The following INO80 variants were observed in gnomAD, a reference collection of about 807,000 sequenced individuals.
INO80 encodes chromatin-remodeling ATPase INO80.
INO80 carries 20 observed loss-of-function variants against 203.4 expected under a neutral mutation model. The ratio of observed to expected loss-of-function variants is 0.10; its 90% confidence interval spans 0.07 to 0.14. The LOEUF is 0.14. Ranked by LOEUF, INO80 falls within the 10% of genes least tolerant of loss-of-function variation. The probability of loss-of-function intolerance (pLI) is 1.00; values close to 1 mark genes in which losing one functional copy is unlikely to be tolerated. For synonymous variants in INO80, 726 were observed against 685.2 expected, an observed-to-expected ratio of 1.06 and a Z score of -0.93; for missense variants, 1,419 against 1,914.4, an observed-to-expected ratio of 0.74 and a Z score of 4.83.
intron 33 of INO80, 24 bp downstream of exon 33, chr15:40,984,173 G>A (rs1893937174): frequency 1.2e-6 from 2 of 1,609,808 alleles, no homozygotes; most frequent in African/African-American, 2.7e-5. Flanking sequence ...CGGCTGTGAT[G>A]CAGGCATCTA....
intron 9 of INO80, among the ~76,000 whole-genome samples, chr15:41,076,542 G>T (rs1300172058): frequency 6.7e-6 from 1 of 150,228 alleles, no homozygotes; most frequent in Non-Finnish European, 1.5e-5. Context: ...AGGAGTTTGA[G>T]ACCAGACTGG....
intron 26 of INO80, among the ~76,000 whole-genome samples, chr15:41,019,303 C>T (rs767907345): frequency 6.6e-6 from 1 of 152,116 alleles, no homozygotes; most frequent in Non-Finnish European, 1.5e-5. Flanking sequence ...GTGAGACACC[C>T]CCAACCCCCG....
chr15:41,074,571 GA>G lies in INO80; in HGVS notation c.1132-7del, dbSNP rs760323117. The G allele has an allele frequency of 1.3e-6, 2 of 1,591,454 alleles. No homozygotes were observed. Among genetic ancestry groups the G allele is most frequent in the Non-Finnish European group, 1.7e-6 (2 of 1,168,598 alleles). ...TTTCGCTGTTGCCTCTTGGCCTAAA[GA>G]GGGAAAAAAGTGAAAACAGAGCCAA... On this transcript the variant is annotated splice_region_variant and splice_polypyrimidine_tract_variant and intron_variant, in intron 9 of 35. Transcript: ENST00000648947.
intron 29 of INO80, among the ~76,000 whole-genome samples, chr15:40,990,076 C>A (rs1016293431): frequency 6.6e-6 from 1 of 151,900 alleles, no homozygotes; most frequent in Non-Finnish European, 1.5e-5. Flanking sequence ...TACTTATGAG[C>A]CCAGGACTAG....
At chr15:41,086,768 G>C (rs796576417) in intron 6 of INO80, among the ~76,000 whole-genome samples, 15 of 152,166 alleles carry the variant, frequency 9.9e-5, no homozygotes, top group African/African-American at 3.6e-4. Flanking sequence ...AGCTCAGTAA[G>C]AGAGGAAAGG....
At chr15:41,049,243 A>G (rs1232759098) in intron 21 of INO80, 44 bp downstream of exon 21, 1 of 1,520,766 alleles carries the variant, frequency 6.6e-7, no homozygotes, top group East Asian at 2.3e-5. Context: ...TAAAACTGTA[A>G]ATTATAAAAC....
chr15:41,070,712 A>G (rs1353496326), intron 12 of INO80, among the ~76,000 whole-genome samples, 165 bp from the exon 13 acceptor site: 2 of 152,236 alleles, frequency 1.3e-5, no homozygotes, highest in Non-Finnish European at 2.9e-5. Flanking sequence ...GCTTTTGCCA[A>G]TGCTACAGCT....
intron 27 of INO80, among the ~76,000 whole-genome samples, chr15:41,008,409 G>C (rs1284846305): frequency 6.6e-6 from 1 of 152,072 alleles, no homozygotes; most frequent in African/African-American, 2.4e-5. Context: ...AGAGTAGAAG[G>C]GTGGTTGCCA....
rs61731592 is a variant in INO80, at chr15:40,980,477, G to T, written c.4454-37C>A. The T allele has an allele frequency of 1.4e-4, 210 of 1,520,430 alleles. No individual in the cohort carries two copies. The African/African-American group carries it at 2.5e-3, about 18-fold the overall frequency. 94.2% of individuals were successfully genotyped at this position (1,520,430 alleles called of 1,614,324 possible). A position where few individuals can be genotyped will look rare whatever the true frequency, so the allele number is the denominator to read the frequency against. ...GAGAGAGACAAGAACGTAAGCACCA[G>T]TCCCGCGTAAGCTTCCTTGGAGCCT... On this transcript the variant is annotated intron_variant, in intron 35 of 35. Transcript: ENST00000648947.
At chr15:41,015,704 G>C (rs1193521927) in intron 27 of INO80, among the ~76,000 whole-genome samples, 1 of 150,632 alleles carries the variant, frequency 6.6e-6, no homozygotes, top group Non-Finnish European at 1.5e-5. Flanking sequence ...GAGAGGCTGA[G>C]GTGGGTGGAT....
At chr15:41,033,703 A>G (rs1382053762) in intron 24 of INO80, among the ~76,000 whole-genome samples, 1 of 152,172 alleles carries the variant, frequency 6.6e-6, no homozygotes, top group African/African-American at 2.4e-5. Flanking sequence ...TTCTACAAAC[A>G]TAAGAGAAGG....
chr15:41,101,190 T>G (rs1424947712), intron 1 of INO80, among the ~76,000 whole-genome samples: 1 of 152,154 alleles, frequency 6.6e-6, no homozygotes, highest in Non-Finnish European at 1.5e-5. Context: ...TAGTCTTGAT[T>G]AGCATGTTAA....
intron 5 of INO80, among the ~76,000 whole-genome samples, chr15:41,090,779 T>C (rs2045627323): frequency 6.6e-6 from 1 of 152,126 alleles, no homozygotes; most frequent in East Asian, 1.9e-4. Flanking sequence ...AGTTTTGTTA[T>C]GTGAATTACA....
chr15:41,053,842 A>T, intron 19 of INO80, 87 bp downstream of exon 19: 1 of 985,904 alleles, frequency 1.0e-6, no homozygotes, highest in Non-Finnish European at 1.5e-6. Flanking sequence ...GCAAACTTCA[A>T]CTAAACATAT....
chr15:40,985,328 C>T lies in INO80; in HGVS notation c.3921+10G>A, dbSNP rs1223254114. Reference sequence around the variant, plus strand: ...ATTAGCCCCTATCCACCATTCCAGGCTGGAAATACCTTCTCTGCATACTTT... The same window carrying T: ...ATTAGCCCCTATCCACCATTCCAGGTTGGAAATACCTTCTCTGCATACTTT... On this transcript the variant is annotated intron_variant, in intron 32 of 35. Coordinates refer to ENST00000648947, the MANE Select transcript of INO80 (RefSeq NM_017553.3). The T allele has an allele frequency of 6.2e-6, 10 of 1,609,784 alleles. No homozygotes were observed. The highest frequency in any genetic ancestry group is 2.7e-5 in the African/African-American group (2 of 74,818).
chr15:41,070,425 A>G (rs752693467), intron 13 of INO80, 42 bp downstream of exon 13: 6 of 1,545,918 alleles, frequency 3.9e-6, no homozygotes, highest in Non-Finnish European at 5.4e-6. Context: ...AAATTACCCT[A>G]AATTCTAGAG....
rs943767640 is a variant in INO80 at position 40,993,533 on chromosome 15, A to G, written c.3570+3996T>C. ...AGCACTTTGGGAGGCGGAGGCAGGC[A>G]GATCACCTGAGGTCAGGAGTTTTGA... is the stretch of plus-strand genomic sequence containing the variant. On this transcript the variant is annotated intron_variant, in intron 29 of 35. Coordinates refer to ENST00000648947, the MANE Select transcript of INO80 (RefSeq NM_017553.3). Among the ~76,000 whole-genome samples the G allele has an allele frequency of 2.2e-4, 34 of 152,154 alleles. 1 individual carries two copies. Among genetic ancestry groups the G allele is most frequent in the African/African-American group, 7.7e-4 (32 of 41,526 alleles).
intron 1 of INO80, among the ~76,000 whole-genome samples, chr15:41,103,189 T>G (rs2045834148): frequency 6.6e-6 from 1 of 152,188 alleles, no homozygotes. Flanking sequence ...TGGCATGCAG[T>G]GAGTCCCAAT....
intron 25 of INO80, among the ~76,000 whole-genome samples, chr15:41,026,981 T>A (rs752923033): frequency 1.3e-5 from 2 of 152,144 alleles, no homozygotes; most frequent in Non-Finnish European, 2.9e-5. Context: ...GAAACCACAA[T>A]AGAAACTAAG....
Sources: gnomAD v4.1 joint callset for allele counts (sites outside exome capture counted in the v4.1 genomes callset) on GRCh38, gnomAD v4.1.1 for gene constraint, MANE v1.5 for transcripts, NCBI Gene and HGNC (gene_info 2026-07-23, HGNC 2026-07-21) for gene names.